The following TM4SF4 variants were observed in gnomAD, a reference collection of about 807,000 sequenced individuals.
The protein encoded by TM4SF4 is transmembrane 4 L6 family member 4.
A neutral mutation model predicts 24.1 loss-of-function variants in TM4SF4; 24 were observed. The observed-to-expected ratio is 1.00, with a 90% CI of 0.72 to 1.40. TM4SF4 has a LOEUF of 1.40. TM4SF4 is among the 40% of genes most tolerant of loss of function. The probability of loss-of-function intolerance (pLI) is 0.00; values close to 1 mark genes in which losing one functional copy is unlikely to be tolerated. For synonymous variants in TM4SF4, 113 were observed against 97.0 expected (o/e 1.17, Z -0.97); for missense variants, 254 against 254.2 (o/e 1.00, Z 0.01).
chr3:149,498,193 A>C (rs576461330), intron 3 of TM4SF4, among the ~76,000 whole-genome samples: 1 of 152,314 alleles, frequency 6.6e-6, no homozygotes, highest in African/African-American at 2.4e-5. Context: ...TATATGACAC[A>C]TTTGTACTTT....
At chr3:149,478,573 T>G (rs1162239976) in intron 2 of TM4SF4, among the ~76,000 whole-genome samples, 1 of 152,222 alleles carries the variant, frequency 6.6e-6, no homozygotes, top group Non-Finnish European at 1.5e-5. Flanking sequence ...GAACCTGCCC[T>G]TGGCATGAAT....
rs765316424 is a variant in TM4SF4, at chr3:149,498,715, C to T, written c.402-7C>T. On this transcript the variant is annotated splice_region_variant and splice_polypyrimidine_tract_variant and intron_variant, in intron 3 of 4. Coordinates refer to ENST00000305354, the MANE Select transcript of TM4SF4 (RefSeq NM_004617.4). Reference sequence around the variant, plus strand: ...AATGTTTCCTTTGTCCCCTATATCACCAACAGGGATTATCTCAATGATGAG... The same window carrying T: ...AATGTTTCCTTTGTCCCCTATATCATCAACAGGGATTATCTCAATGATGAG... 208 of 1,613,470 alleles carry T rather than the reference C, an allele frequency of 1.3e-4. 1 individual carries two copies. The highest frequency in any genetic ancestry group is 4.9e-4 in the Middle Eastern group (3 of 6,082).
chr3:149,492,743 G>A (rs1311541997), intron 3 of TM4SF4, among the ~76,000 whole-genome samples: 1 of 152,066 alleles, frequency 6.6e-6, no homozygotes, highest in Non-Finnish European at 1.5e-5. Context: ...ACAGTTAAAT[G>A]TTCTGCCTTG....
At chr3:149,477,039 A>G (rs1406148398) in intron 2 of TM4SF4, among the ~76,000 whole-genome samples, 1 of 151,852 alleles carries the variant, frequency 6.6e-6, no homozygotes, top group Non-Finnish European at 1.5e-5. Flanking sequence ...GACTCAAGCA[A>G]TCCGCCCACC....
Position 149,496,566 on chromosome 3 carries a change from C to T in TM4SF4, c.402-2156C>T, listed in dbSNP as rs530624541. On this transcript the variant is annotated intron_variant, in intron 3 of 4. Transcript: ENST00000305354. The stretch of plus-strand genomic sequence containing the variant: ...GGCGGATCACCCGAGGTCGGGAGTT[C>T]GAGACCAGCCTGACCAACATGGAGA... Among the ~76,000 whole-genome samples the T allele has an allele frequency of 4.6e-5, 7 of 152,202 alleles. No homozygotes were observed. In the South Asian group the frequency reaches 8.3e-4, roughly 18 times the overall value.
rs1231237163 is a variant in TM4SF4 at position 149,502,784 on chromosome 3, A to G, written c.*91A>G. The G allele has an allele frequency of 3.2e-6, 3 of 942,858 alleles. No homozygotes were observed. The highest frequency in any genetic ancestry group is 1.8e-5 in the Admixed American group (1 of 54,576). The allele number at this position is 942,858 out of a possible 1,614,324, so 58.4% of individuals were successfully genotyped here. A position where few individuals can be genotyped will look rare whatever the true frequency, so the allele number is the denominator to read the frequency against. On this transcript the variant is annotated 3_prime_UTR_variant, in exon 5 of 5. Transcript: ENST00000305354. ...TCTCTTCTTGGAATTATTAATTCCTATCTGCTTCCTAGCTGATAAAGCTTA... is the reference window on the plus strand; with the variant it reads ...TCTCTTCTTGGAATTATTAATTCCTGTCTGCTTCCTAGCTGATAAAGCTTA...
At chr3:149,492,545 C>T (rs577214602) in intron 3 of TM4SF4, among the ~76,000 whole-genome samples, 1 of 152,210 alleles carries the variant, frequency 6.6e-6, no homozygotes, top group East Asian at 1.9e-4. Flanking sequence ...GCAGCCTGCA[C>T]AGGGTGTGGG....
intron 3 of TM4SF4, among the ~76,000 whole-genome samples, chr3:149,497,379 T>C (rs1467901110): frequency 6.6e-6 from 1 of 152,210 alleles, no homozygotes. Context: ...ATAAACAATG[T>C]TTTATTTTGA....
intron 3 of TM4SF4, 90 bp downstream of exon 3, chr3:149,487,845 C>A: frequency 6.5e-7 from 1 of 1,536,182 alleles, no homozygotes; most frequent in South Asian, 1.2e-5. Context: ...AATGCCATGT[C>A]TTCATCCTTA....
intron 3 of TM4SF4, among the ~76,000 whole-genome samples, chr3:149,496,977 C>G (rs560707480): frequency 2.4e-4 from 37 of 151,954 alleles, no homozygotes; most frequent in African/African-American, 8.2e-4. Context: ...TGAGACCAGC[C>G]TGGGCAGTAT....
In TM4SF4 at chr3:149,476,801, TG is replaced by T. The variant is rs386418051; in HGVS notation, c.264+890del. On this transcript the variant is annotated intron_variant, in intron 2 of 4. Coordinates refer to ENST00000305354, the MANE Select transcript of TM4SF4 (RefSeq NM_004617.4). Reference sequence around the variant, plus strand: ...TTCTTTTTTCTTTTCTGTTTTTTTTTGTTTTTGTTTTTGTTTTTTTTTTTTT... The same window carrying T: ...TTCTTTTTTCTTTTCTGTTTTTTTTTTTTTTGTTTTTGTTTTTTTTTTTTT... 4.7e-3 allele frequency among the ~76,000 whole-genome samples: 278 copies of T among 59,362 alleles called. 5 individuals carry two copies. Among genetic ancestry groups the T allele is most frequent in the Non-Finnish European group, 6.2e-3 (122 of 19,562 alleles). 38.9% of individuals were successfully genotyped at this position (59,362 alleles called of 152,430 possible).
At chr3:149,484,969 A>T (rs546764531) in intron 2 of TM4SF4, among the ~76,000 whole-genome samples, 12 of 152,308 alleles carry the variant, frequency 7.9e-5, no homozygotes, top group East Asian at 1.9e-4. Flanking sequence ...TTAAGAAAAA[A>T]TTTTTAACAC....
At chr3:149,489,376 T>A (rs1734172083) in intron 3 of TM4SF4, among the ~76,000 whole-genome samples, 1 of 152,248 alleles carries the variant, frequency 6.6e-6, no homozygotes. Context: ...TTTTTCTATT[T>A]TTTCTGTTAT....
chr3:149,491,923 A>T (rs955417450), intron 3 of TM4SF4, among the ~76,000 whole-genome samples: 1 of 152,174 alleles, frequency 6.6e-6, no homozygotes, highest in Non-Finnish European at 1.5e-5. Context: ...GATTTGCAGA[A>T]GGGGCCGCCA....
Position 149,475,035 on chromosome 3 carries a change from T to C in TM4SF4, c.158T>C (p.Leu53Ser), listed in dbSNP as rs375015311. 1.2e-6 allele frequency: 2 copies of C among 1,612,320 alleles called. No individual in the cohort carries two copies. Among genetic ancestry groups the C allele is most frequent in the African/African-American group, 2.7e-5 (2 of 74,836 alleles). Reference protein sequence around the residue: ...SQEIWFFGGILGSGVLMIFPA... With the variant: ...SQEIWFFGGISGSGVLMIFPA... ...GAGATCTGGTTTTTCGGAGGAATAT[T>C]AGGAAGCGGTGTCTTGGTGAGTAGG... The change falls in exon 1 of 5, where the codon TTA becomes TCA. Residue 53 changes from leucine to serine, a missense_variant. Transcript: ENST00000305354.
rs80009570 is a variant in TM4SF4, at chr3:149,498,746, A to T, written c.426A>T (p.Leu142Phe). 1.7e-3 allele frequency: 2,813 copies of T among 1,613,938 alleles called. 41 individuals carry two copies. In the African/African-American group the frequency reaches 0.033, roughly 19 times the overall value. ...HDGDYLNDEA[L>F]WNKCREPLNV... ...GGGATTATCTCAATGATGAGGCCTTATGGAACAAGTGCCGAGAGCCTCTCA... is the reference window on the plus strand; with the variant it reads ...GGGATTATCTCAATGATGAGGCCTTTTGGAACAAGTGCCGAGAGCCTCTCA... The change falls in exon 4 of 5, where the codon TTA (leucine) becomes TTT (phenylalanine). Residue 142 changes from leucine (L) to phenylalanine (F), a missense_variant. By Grantham distance (22) the Leu-to-Phe change is conservative (BLOSUM62 0). Coordinates refer to ENST00000305354, the MANE Select transcript of TM4SF4 (RefSeq NM_004617.4).
intron 3 of TM4SF4, among the ~76,000 whole-genome samples, chr3:149,496,350 T>C (rs67617174): frequency 0.086 from 13,022 of 152,132 alleles, 1,104 homozygotes; most frequent in East Asian, 0.43. Context: ...GGTGGGATTA[T>C]AGGTGCGTGT....
chr3:149,496,085 G>A (rs1734305623), intron 3 of TM4SF4: 1 of 171,820 alleles, frequency 5.8e-6, no homozygotes, highest in African/African-American at 2.4e-5. Context: ...TGTCTCATTT[G>A]GCCGTTGAAG....
At chr3:149,492,972 C>G (rs1338405287) in intron 3 of TM4SF4, among the ~76,000 whole-genome samples, 1 of 152,172 alleles carries the variant, frequency 6.6e-6, no homozygotes, top group African/African-American at 2.4e-5. Context: ...AGCCACACCT[C>G]TGCCATATAC....
Sources: allele counts gnomAD v4.1 joint callset (sites outside exome capture counted in the v4.1 genomes callset), GRCh38; gene constraint gnomAD v4.1.1; transcripts MANE v1.5; gene names NCBI Gene and HGNC (gene_info 2026-07-23, HGNC 2026-07-21).